LUZP2: variants seen among roughly 807,000 people sequenced by gnomAD.
LUZP2 encodes the protein leucine zipper protein 2.
A neutral mutation model predicts 51.6 loss-of-function variants in LUZP2; 52 were observed. That is an observed-to-expected ratio of 1.01 (90% CI 0.81 to 1.27). The LOEUF (loss-of-function observed/expected upper bound fraction) is 1.27, where lower values mean the gene tolerates loss of function less well. LUZP2 is among the 50% of genes most tolerant of loss of function. The pLI is 0.00. For missense variants in LUZP2, 436 were observed against 395.4 expected (o/e 1.10, Z -0.87); for synonymous variants, 154 against 137.3 (o/e 1.12, Z -0.85).
intron 1 of LUZP2, among the ~76,000 whole-genome samples, chr11:24,663,314 T>A (rs1856085117): frequency 6.6e-6 from 1 of 152,082 alleles, no homozygotes; most frequent in Admixed American, 6.5e-5. Flanking sequence ...TCCCCTTTGT[T>A]CTCTCTTTCT....
chr11:25,077,249 T>C, intron 10 of LUZP2, 80 bp from the exon 11 acceptor site: 1 of 1,041,376 alleles, frequency 9.6e-7, no homozygotes, highest in Non-Finnish European at 1.5e-6. Flanking sequence ...ACAGGAAGAA[T>C]TCAAGAGAGT....
At chr11:24,581,820 G>A (rs1192226937) in intron 1 of LUZP2, among the ~76,000 whole-genome samples, 1 of 151,894 alleles carries the variant, frequency 6.6e-6, no homozygotes, top group African/African-American at 2.4e-5. Flanking sequence ...TCACAACAAA[G>A]TTAGCAGTTA....
intron 1 of LUZP2, among the ~76,000 whole-genome samples, chr11:24,704,985 A>C (rs1283689236): frequency 6.6e-6 from 1 of 152,214 alleles, no homozygotes; most frequent in Admixed American, 6.5e-5. Flanking sequence ...GTCTGTCTAC[A>C]AATATGAACA....
chr11:24,684,122 T>A (rs189326158), intron 1 of LUZP2, among the ~76,000 whole-genome samples: 326 of 152,272 alleles, frequency 2.1e-3, no homozygotes, highest in Non-Finnish European at 3.5e-3. Context: ...CTCTTTATAA[T>A]GTTTTCAATA....
At chr11:24,999,838 C>T (rs532818689) in intron 9 of LUZP2, among the ~76,000 whole-genome samples, 34 of 152,212 alleles carry the variant, frequency 2.2e-4, no homozygotes, top group African/African-American at 7.5e-4. Context: ...TGCAGACCCT[C>T]GTGTTGAGTA....
chr11:24,652,251 C>A (rs144837479), intron 1 of LUZP2, among the ~76,000 whole-genome samples: 1 of 152,198 alleles, frequency 6.6e-6, no homozygotes, highest in East Asian at 1.9e-4. Flanking sequence ...TTGCATTACA[C>A]CTTCTGTCAT....
rs535739179 is a variant in LUZP2 at position 24,976,880 on chromosome 11, G to GTTCA, written c.597+216_597+219dup. On this transcript the variant is annotated intron_variant, in intron 8 of 11. Transcript: ENST00000336930. Reference sequence around the variant, plus strand: ...TGCTGCTACAGTAAACTGACTGAAGGTTCAGTCTTTGTGAGTTCATGGCTC... The same window carrying GTTCA: ...TGCTGCTACAGTAAACTGACTGAAGGTTCATTCAGTCTTTGTGAGTTCATGGCTC... 4.0e-5 allele frequency among the ~76,000 whole-genome samples: 6 copies of GTTCA among 151,776 alleles called. No homozygotes were observed. In the South Asian group the frequency reaches 1.2e-3, roughly 31 times the overall value.
At chr11:24,519,626 A>C (rs1273678928) in intron 1 of LUZP2, among the ~76,000 whole-genome samples, 1 of 152,056 alleles carries the variant, frequency 6.6e-6, no homozygotes, top group African/African-American at 2.4e-5. Flanking sequence ...ATACAGCTTC[A>C]GTGAGGCAGT....
chr11:24,989,659 CAAA>C (rs1856280401), intron 9 of LUZP2, among the ~76,000 whole-genome samples: 2 of 151,984 alleles, frequency 1.3e-5, no homozygotes, highest in Admixed American at 6.6e-5. Flanking sequence ...AGGAACAAAG[CAAA>C]ATGAATTATA....
At chr11:24,554,042 T>C (rs1038122937) in intron 1 of LUZP2, among the ~76,000 whole-genome samples, 1 of 152,184 alleles carries the variant, frequency 6.6e-6, no homozygotes, top group Non-Finnish European at 1.5e-5. Flanking sequence ...CGCTGAAGAC[T>C]GGGAGTTTGA....
intron 7 of LUZP2, among the ~76,000 whole-genome samples, chr11:24,957,811 A>T (rs911363128): frequency 1.3e-5 from 2 of 152,044 alleles, no homozygotes; most frequent in East Asian, 1.9e-4. Flanking sequence ...TGTGCAGGTT[A>T]GTTACATATG....
At position 24,606,945 on chromosome 11, in the gene LUZP2, C is replaced by T. The variant is rs565061052; in HGVS notation, c.62+109640C>T. ...ATCTATTGGCCATTTGTATGTTTTC[C>T]TACGAAAAATTTGAGTTCAGGTCCT... On this transcript the variant is annotated intron_variant, in intron 1 of 11. Coordinates refer to ENST00000336930, the MANE Select transcript of LUZP2 (RefSeq NM_001009909.4). 2.6e-5 allele frequency among the ~76,000 whole-genome samples: 4 copies of T among 151,852 alleles called. No homozygotes were observed. In the South Asian group the frequency reaches 8.3e-4, roughly 32 times the overall value.
At chr11:24,897,480 C>T (rs1853114758) in intron 5 of LUZP2, among the ~76,000 whole-genome samples, 1 of 152,060 alleles carries the variant, frequency 6.6e-6, no homozygotes, top group Non-Finnish European at 1.5e-5. Flanking sequence ...GAGGAATGAA[C>T]AACTCTGGAC....
chr11:24,693,333 C>A (rs562723542), intron 1 of LUZP2, among the ~76,000 whole-genome samples: 10 of 151,422 alleles, frequency 6.6e-5, no homozygotes, highest in African/African-American at 2.4e-4. Flanking sequence ...GGCAGCTGAT[C>A]TTTTTCACAG....
intron 9 of LUZP2, among the ~76,000 whole-genome samples, chr11:25,023,520 G>T (rs1565242393): frequency 1.3e-5 from 2 of 151,764 alleles, no homozygotes; most frequent in African/African-American, 2.4e-5. Flanking sequence ...GCATCTATTT[G>T]GTTCCTCTCT....
chr11:24,503,816 A>T (rs1850072420), intron 1 of LUZP2, among the ~76,000 whole-genome samples: 1 of 152,212 alleles, frequency 6.6e-6, no homozygotes, highest in Non-Finnish European at 1.5e-5. Flanking sequence ...GCAACATGTG[A>T]CTAGTTAGTA....
chr11:24,941,925 T>G (rs941286203), intron 7 of LUZP2, among the ~76,000 whole-genome samples: 2 of 152,112 alleles, frequency 1.3e-5, no homozygotes, highest in Admixed American at 1.3e-4. Flanking sequence ...CAATTTGCAG[T>G]CAATTCCCTC....
intron 1 of LUZP2, among the ~76,000 whole-genome samples, chr11:24,559,758 T>C (rs1851975941): frequency 6.6e-6 from 1 of 152,208 alleles, no homozygotes; most frequent in Admixed American, 6.5e-5. Context: ...GTGTGTTAGA[T>C]GATAGTTGAA....
chr11:24,986,537 C>CTGTGTGTGTGTGTGTG (rs61367765), intron 9 of LUZP2, among the ~76,000 whole-genome samples: 11 of 145,720 alleles, frequency 7.5e-5, no homozygotes, highest in African/African-American at 2.5e-5. Context: ...TAGCATGCCT[C>CTGTGTGTGTGTGTGTG]TGTGTGTGTG....
Sources: allele counts gnomAD v4.1 joint callset (sites outside exome capture counted in the v4.1 genomes callset), GRCh38; gene constraint gnomAD v4.1.1; transcripts MANE v1.5; gene names NCBI Gene and HGNC (gene_info 2026-07-23, HGNC 2026-07-21).